Variants in FYB2 observed in about 807,000 individuals in gnomAD.
FYB2 encodes the protein FYN-binding protein 2.
In FYB2, 103 loss-of-function variants were observed where a neutral mutation model predicts 94.1. The ratio of observed to expected loss-of-function variants is 1.09; its 90% CI spans 0.93 to 1.29. The LOEUF is 1.29. Ranked by LOEUF, FYB2 falls within the 50% of genes most tolerant of loss-of-function variation. The probability of loss-of-function intolerance (pLI) is 0.00; values close to 1 mark genes in which losing one functional copy is unlikely to be tolerated. For missense variants in FYB2, 896 were observed against 841.5 expected (o/e 1.06, Z -0.80); for synonymous variants, 293 against 287.9 (o/e 1.02, Z -0.18).
At chr1:56,748,551 G>A (rs58055455) in intron 9 of FYB2, among the ~76,000 whole-genome samples, 2,682 of 151,910 alleles carry the variant, frequency 0.018, 76 homozygotes, top group African/African-American at 0.061. Flanking sequence ...AAGATCATAT[G>A]GTTGTACATG....
chr1:56,757,271 C>T (rs2100734873), intron 6 of FYB2, among the ~76,000 whole-genome samples: 1 of 152,078 alleles, frequency 6.6e-6, no homozygotes, highest in East Asian at 1.9e-4. Context: ...ATTTCTACTG[C>T]CATTAATAGA....
chr1:56,776,079 C>T (rs1342694676), intron 4 of FYB2, among the ~76,000 whole-genome samples: 2 of 152,138 alleles, frequency 1.3e-5, no homozygotes, highest in African/African-American at 2.4e-5. Context: ...GAAACCACAC[C>T]TTCTGATTCC....
intron 12 of FYB2, among the ~76,000 whole-genome samples, chr1:56,741,136 G>C (rs1001936905): frequency 6.6e-6 from 1 of 151,952 alleles, no homozygotes; most frequent in Non-Finnish European, 1.5e-5. Context: ...AGAACCAGAG[G>C]CTTTGTTTTC....
At chr1:56,793,212 G>A (rs8179502) in intron 1 of FYB2, among the ~76,000 whole-genome samples, 149,515 of 152,242 alleles carry the variant, frequency 0.98, 73,466 homozygotes, top group Middle Eastern at 1. Flanking sequence ...CCACCAAAAG[G>A]TGGTGGAATT....
chr1:56,764,486 T>C lies in FYB2; in HGVS notation c.1063+3343A>G, dbSNP rs1645575576. Among the ~76,000 whole-genome samples the C allele has an allele frequency of 2.0e-5, 3 of 152,172 alleles. No homozygotes were observed. The South Asian group carries it at 6.2e-4, about 32-fold the overall frequency. On this transcript the variant is annotated intron_variant, in intron 5 of 19. Transcript: ENST00000343433. ...TTTATTTTTAAGTCATTGACTCTTT[T>C]GTCCCTCCATTCTGCTGTTGAGCAC...
chr1:56,727,952 G>T (rs1373195536), intron 15 of FYB2, among the ~76,000 whole-genome samples: 1 of 152,088 alleles, frequency 6.6e-6, no homozygotes, highest in African/African-American at 2.4e-5. Flanking sequence ...TCAAAGTGCA[G>T]TGTGCTATGA....
At chr1:56,793,590 G>T (rs1490445863) in intron 1 of FYB2, among the ~76,000 whole-genome samples, 2 of 152,096 alleles carry the variant, frequency 1.3e-5, no homozygotes, top group Non-Finnish European at 2.9e-5. Context: ...GTGAAGGAAC[G>T]AAGGGGCATA....
At chr1:56,751,582 G>A (rs1188193921) in intron 8 of FYB2, among the ~76,000 whole-genome samples, 1 of 152,048 alleles carries the variant, frequency 6.6e-6, no homozygotes, top group African/African-American at 2.4e-5. Flanking sequence ...TCCACAGTTA[G>A]TAATCTACCT....
chr1:56,738,382 T>G (rs1364533496), intron 14 of FYB2, among the ~76,000 whole-genome samples: 1 of 152,094 alleles, frequency 6.6e-6, no homozygotes, highest in Non-Finnish European at 1.5e-5. Context: ...TAACATTTAT[T>G]TTTCTGGGAT....
intron 1 of FYB2, among the ~76,000 whole-genome samples, chr1:56,802,599 T>TA (rs1282679004): frequency 6.6e-6 from 1 of 151,768 alleles, no homozygotes; most frequent in Non-Finnish European, 1.5e-5. Flanking sequence ...GCAGCTAGAG[T>TA]AAAAATTGAG....
intron 2 of FYB2, among the ~76,000 whole-genome samples, chr1:56,790,173 G>A (rs765677485): frequency 1.3e-5 from 2 of 152,170 alleles, no homozygotes; most frequent in Admixed American, 6.5e-5. Flanking sequence ...GGCCATTCAT[G>A]TGAAAACTTA....
At chr1:56,818,487 C>T (rs1306212585) in intron 1 of FYB2, among the ~76,000 whole-genome samples, 1 of 151,664 alleles carries the variant, frequency 6.6e-6, no homozygotes, top group African/African-American at 2.4e-5. Flanking sequence ...CACACACACA[C>T]ACACACACAC....
rs571292644 is a variant in FYB2 at position 56,811,620 on chromosome 1, G to A, written c.9+7662C>T. On this transcript the variant is annotated intron_variant, in intron 1 of 19. Transcript: ENST00000343433. Reference sequence around the variant, plus strand: ...TCACAGCAAGTACCACAGACTATGTGGCTCAAACAAGAGAAATGTATTGCC... The same window carrying A: ...TCACAGCAAGTACCACAGACTATGTAGCTCAAACAAGAGAAATGTATTGCC... Among the ~76,000 whole-genome samples, 4 of 152,268 alleles carry A rather than the reference G, an allele frequency of 2.6e-5. No homozygotes were observed. The East Asian group carries it at 7.7e-4, about 29-fold the overall frequency.
chr1:56,760,687 A>T (rs575815715), intron 5 of FYB2, among the ~76,000 whole-genome samples: 1 of 152,126 alleles, frequency 6.6e-6, no homozygotes, highest in Non-Finnish European at 1.5e-5. Flanking sequence ...CTTGAGATGG[A>T]TATTATTACT....
chr1:56,787,689 C>T (rs954042387), intron 3 of FYB2, among the ~76,000 whole-genome samples: 1 of 152,032 alleles, frequency 6.6e-6, no homozygotes, highest in African/African-American at 2.4e-5. Context: ...GGAAATTATC[C>T]CTATTTTATA....
chr1:56,749,843 C>T (rs958686484), intron 9 of FYB2, among the ~76,000 whole-genome samples: 2 of 152,036 alleles, frequency 1.3e-5, no homozygotes, highest in African/African-American at 4.8e-5. Context: ...TGGCATGCAC[C>T]TCCCAGGTTT....
chr1:56,820,150 G>C (rs1398147693), upstream of FYB2, among the ~76,000 whole-genome samples: 20 of 151,146 alleles, frequency 1.3e-4, no homozygotes, highest in Admixed American at 1.3e-3. Flanking sequence ...AGAATTGCTT[G>C]TACCTGGGAG....
chr1:56,795,824 GA>G (rs1451853387), intron 1 of FYB2, among the ~76,000 whole-genome samples: 2 of 152,264 alleles, frequency 1.3e-5, no homozygotes, highest in Non-Finnish European at 2.9e-5. Context: ...GTATGAAATA[GA>G]ATTATGGATT....
At chr1:56,800,647 A>G (rs528150510) in intron 1 of FYB2, among the ~76,000 whole-genome samples, 2 of 152,252 alleles carry the variant, frequency 1.3e-5, no homozygotes, top group East Asian at 1.9e-4. Context: ...AATGGGGCCA[A>G]TAATACTCAC....
Sources: gnomAD v4.1 joint callset for allele counts (sites outside exome capture counted in the v4.1 genomes callset) on GRCh38, gnomAD v4.1.1 for gene constraint, MANE v1.5 for transcripts, NCBI Gene and HGNC (gene_info 2026-07-23, HGNC 2026-07-21) for gene names.